FER: variants seen among roughly 807,000 people sequenced by gnomAD.
FER encodes the protein tyrosine-protein kinase Fer.
FER carries 63 observed loss-of-function variants against 111.0 expected under a neutral mutation model. The observed-to-expected ratio is 0.57, with a 90% CI of 0.46 to 0.70. The LOEUF (loss-of-function observed/expected upper bound fraction) is 0.70. Ranked by LOEUF, FER falls within the 30% of genes least tolerant of loss-of-function variation. The pLI, the probability that FER is intolerant of heterozygous loss-of-function variation, is 0.00. For missense variants in FER, 914 were observed against 954.0 expected (o/e 0.96, Z 0.55); for synonymous variants, 327 against 313.9 (o/e 1.04, Z -0.44).
At chr5:109,136,792 CT>C (rs1447988012) in intron 17 of FER, among the ~76,000 whole-genome samples, 1 of 151,958 alleles carries the variant, frequency 6.6e-6, no homozygotes, top group Admixed American at 6.6e-5. Context: ...GAATCAAAAT[CT>C]TATTAATACT....
intron 5 of FER, chr5:108,842,538 A>G (rs2150157336): frequency 6.6e-6 from 1 of 152,312 alleles, no homozygotes; most frequent in Non-Finnish European, 1.5e-5. Flanking sequence ...TCAGTAAGAA[A>G]AAAAACTAAC....
intron 18 of FER, among the ~76,000 whole-genome samples, chr5:109,185,976 T>C (rs576165980): frequency 1.3e-5 from 2 of 152,280 alleles, no homozygotes; most frequent in African/African-American, 4.8e-5. Context: ...TATCTAGACA[T>C]AGAAAAGGTA....
At chr5:108,957,491 C>T (rs7731116) in intron 12 of FER, among the ~76,000 whole-genome samples, 20,566 of 151,406 alleles carry the variant, frequency 0.14, 1,796 homozygotes, top group African/African-American at 0.25. Flanking sequence ...GGAACTCTTA[C>T]ACACTGTTGA....
At chr5:109,021,055 A>G (rs529978958) in intron 13 of FER, among the ~76,000 whole-genome samples, 1 of 152,118 alleles carries the variant, frequency 6.6e-6, no homozygotes, top group East Asian at 1.9e-4. Context: ...CATATTAAGT[A>G]GAATAATTTT....
At position 109,189,425 on chromosome 5, in the gene FER, C is replaced by A. The variant is rs1189294369; in HGVS notation, c.*1850C>A. ...CTGTACCATCGCACAGAACTCACAC[C>A]AGTACTTTAGAGTATGAAAGATAAT... On this transcript the variant is annotated 3_prime_UTR_variant, in exon 20 of 20. Coordinates refer to ENST00000281092, the MANE Select transcript of FER (RefSeq NM_005246.4). 3 of 152,142 alleles carry A rather than the reference C, an allele frequency of 2.0e-5. No individual in the cohort carries two copies. Among genetic ancestry groups the A allele is most frequent in the Non-Finnish European group, 4.4e-5 (3 of 68,030 alleles). 9.4% of individuals were successfully genotyped at this position (152,142 alleles called of 1,614,324 possible). A position where few individuals can be genotyped will look rare whatever the true frequency, so the allele number is the denominator to read the frequency against.
chr5:108,959,787 C>T (rs1175308730), intron 13 of FER, among the ~76,000 whole-genome samples: 1 of 152,034 alleles, frequency 6.6e-6, no homozygotes, highest in Non-Finnish European at 1.5e-5. Context: ...AATTAGTCTA[C>T]TCTTCACAGA....
At position 109,086,074 on chromosome 5, in the gene FER, TCTC is replaced by T. The variant is rs547256374; in HGVS notation, c.1925-14319_1925-14317del. 4.6e-5 allele frequency among the ~76,000 whole-genome samples: 7 copies of T among 151,910 alleles called. No homozygotes were observed. In the South Asian group the frequency reaches 1.2e-3, roughly 27 times the overall value. ...ATAAAAACAGTTAGAAATATTTTCT[TCTC>T]CTTTTCTAAGAAAATTTGTATATGA... On this transcript the variant is annotated intron_variant, in intron 16 of 19. Transcript: ENST00000281092.
Position 108,874,795 on chromosome 5 carries a change from A to G in FER, c.923+2583A>G, listed in dbSNP as rs114316563. 6.1e-3 allele frequency among the ~76,000 whole-genome samples: 930 copies of G among 152,254 alleles called. 16 individuals are homozygous for G. Among genetic ancestry groups the G allele is most frequent in the African/African-American group, 0.022 (896 of 41,568 alleles). ...TACAAATTACCAATAGTACTTGGAA[A>G]AGATATTCTTCTTTGGCAATTAAAT... On this transcript the variant is annotated intron_variant, in intron 8 of 19. Coordinates refer to ENST00000281092, the MANE Select transcript of FER (RefSeq NM_005246.4).
rs972453748 is a variant in FER, at chr5:108,921,654, G to T, written c.1236+23806G>T. Among the ~76,000 whole-genome samples, 7 of 152,190 alleles carry T rather than the reference G, an allele frequency of 4.6e-5. No individual in the cohort carries two copies. In the East Asian group the frequency reaches 1.4e-3, roughly 29 times the overall value. On this transcript the variant is annotated intron_variant, in intron 10 of 19. Transcript: ENST00000281092. ...AGTCTTTTTTTATGAAGGTAATAGG[G>T]TATATAAAATAAGCTACTTCGATTT...
chr5:109,080,792 G>A (rs1776898468), intron 16 of FER, among the ~76,000 whole-genome samples: 1 of 152,070 alleles, frequency 6.6e-6, no homozygotes, highest in Non-Finnish European at 1.5e-5. Context: ...TTGAATTGTA[G>A]ATCAGAGATG....
chr5:108,957,533 A>C (rs1412725662), intron 12 of FER, among the ~76,000 whole-genome samples: 7 of 151,678 alleles, frequency 4.6e-5, no homozygotes, highest in African/African-American at 1.7e-4. Context: ...TCATTATGGA[A>C]ATCAGTATGG....
chr5:108,896,895 A>C (rs1057356411), intron 9 of FER, among the ~76,000 whole-genome samples: 1 of 152,112 alleles, frequency 6.6e-6, no homozygotes, highest in Non-Finnish European at 1.5e-5. Context: ...TCCTTTTTGG[A>C]AATTATTGTA....
intron 13 of FER, among the ~76,000 whole-genome samples, chr5:108,998,449 C>T (rs903715414): frequency 2.6e-5 from 4 of 152,134 alleles, no homozygotes; most frequent in African/African-American, 9.7e-5. Context: ...ACATCCCATC[C>T]TTCTTCGGCT....
At chr5:109,152,007 C>T (rs558001118) in intron 17 of FER, among the ~76,000 whole-genome samples, 12 of 152,130 alleles carry the variant, frequency 7.9e-5, no homozygotes, top group East Asian at 5.8e-4. Context: ...TTCGGGCAAC[C>T]GTAGCTGTAG....
At chr5:108,917,563 T>A (rs1387291847) in intron 10 of FER, among the ~76,000 whole-genome samples, 2 of 152,204 alleles carry the variant, frequency 1.3e-5, no homozygotes, top group Non-Finnish European at 2.9e-5. Flanking sequence ...CTTTCCCATT[T>A]CCCAAAGTCA....
At chr5:108,900,662 T>C (rs1372191780) in intron 10 of FER, among the ~76,000 whole-genome samples, 2 of 152,210 alleles carry the variant, frequency 1.3e-5, no homozygotes, top group East Asian at 3.8e-4. Flanking sequence ...TCTTAGTTAA[T>C]GGCAGTGTTA....
intron 17 of FER, among the ~76,000 whole-genome samples, chr5:109,157,095 T>G (rs1755478411): frequency 6.6e-6 from 1 of 152,132 alleles, no homozygotes; most frequent in Non-Finnish European, 1.5e-5. Flanking sequence ...ACTGCCAAGC[T>G]ATGTGGATTT....
intron 13 of FER, among the ~76,000 whole-genome samples, chr5:108,987,282 C>T (rs1762677194): frequency 6.6e-6 from 1 of 151,978 alleles, no homozygotes; most frequent in South Asian, 2.1e-4. Flanking sequence ...CCCATCTCTA[C>T]TAAAAATACA....
At chr5:108,959,178 T>C in intron 12 of FER, 47 bp from the exon 13 acceptor site, 1 of 1,574,842 alleles carries the variant, frequency 6.3e-7, no homozygotes. Context: ...GTAGATTTTC[T>C]AAAGCAATGT....
Sources: allele counts gnomAD v4.1 joint callset (sites outside exome capture counted in the v4.1 genomes callset), GRCh38; gene constraint gnomAD v4.1.1; transcripts MANE v1.5; gene names NCBI Gene and HGNC (gene_info 2026-07-23, HGNC 2026-07-21).